RIT2: variants seen among roughly 807,000 people sequenced by gnomAD.
The protein encoded by RIT2 is GTP-binding protein Rit2.
In RIT2, 24 loss-of-function variants were observed where a neutral mutation model predicts 23.7. The ratio of observed to expected loss-of-function variants is 1.01; its 90% confidence interval spans 0.73 to 1.43. RIT2 has a LOEUF of 1.43. Ranked by LOEUF, RIT2 falls within the 40% of genes most tolerant of loss-of-function variation. The probability of loss-of-function intolerance (pLI) is 0.00; values close to 1 mark genes in which losing one functional copy is unlikely to be tolerated. For synonymous variants in RIT2, 107 were observed against 91.1 expected, an observed-to-expected ratio of 1.17 and a Z score of -0.99; for missense variants, 236 against 266.9, an observed-to-expected ratio of 0.88 and a Z score of 0.81.
intron 4 of RIT2, among the ~76,000 whole-genome samples, chr18:42,874,165 G>A (rs984020553): frequency 2.6e-5 from 4 of 152,080 alleles, no homozygotes; most frequent in African/African-American, 9.7e-5. Context: ...CTAAGCTTAC[G>A]TTAGAATATT....
At chr18:43,017,335 A>T (rs1911497961) in intron 2 of RIT2, among the ~76,000 whole-genome samples, 2 of 151,742 alleles carry the variant, frequency 1.3e-5, no homozygotes, top group South Asian at 4.2e-4. Context: ...CTAATTATTT[A>T]CATAATTGGC....
chr18:42,808,288 G>T (rs1905741342), intron 4 of RIT2, among the ~76,000 whole-genome samples: 1 of 152,164 alleles, frequency 6.6e-6, no homozygotes, highest in Non-Finnish European at 1.5e-5. Context: ...TCAGAGGTCT[G>T]CATTCTGCTA....
chr18:42,960,306 GTTTGTT>G (rs1024562865), intron 3 of RIT2, among the ~76,000 whole-genome samples: 10 of 152,080 alleles, frequency 6.6e-5, no homozygotes, highest in Non-Finnish European at 1.3e-4. Flanking sequence ...ATGTTTTTTT[GTTTGTT>G]TTTGTTTTTG....
intron 1 of RIT2, among the ~76,000 whole-genome samples, chr18:43,057,839 T>C (rs1912545581): frequency 1.4e-5 from 2 of 141,930 alleles, no homozygotes; most frequent in Admixed American, 7.3e-5. Flanking sequence ...GAACAAGATG[T>C]AGCAAATGGC....
intron 4 of RIT2, among the ~76,000 whole-genome samples, chr18:42,863,345 T>G (rs549143055): frequency 6.6e-6 from 1 of 152,252 alleles, no homozygotes; most frequent in African/African-American, 2.4e-5. Flanking sequence ...GAAAGGACAC[T>G]TTGAAAAAGC....
At chr18:42,801,096 A>T (rs1243577486) in intron 4 of RIT2, among the ~76,000 whole-genome samples, 3 of 152,244 alleles carry the variant, frequency 2.0e-5, no homozygotes, top group African/African-American at 7.2e-5. Context: ...ATAAAGCATC[A>T]TACAAATGTA....
intron 3 of RIT2, among the ~76,000 whole-genome samples, chr18:42,955,564 T>A (rs932642566): frequency 1.3e-5 from 2 of 152,176 alleles, no homozygotes; most frequent in African/African-American, 2.4e-5. Flanking sequence ...CCATGGGAAA[T>A]AGCAAGTCAA....
intron 4 of RIT2, among the ~76,000 whole-genome samples, chr18:42,896,324 C>T (rs533944236): frequency 2.2e-4 from 34 of 152,338 alleles, no homozygotes; most frequent in African/African-American, 7.7e-4. Flanking sequence ...ATGGATTCAA[C>T]GTCCACTTCA....
chr18:42,906,923 A>G (rs1340169928), intron 4 of RIT2, among the ~76,000 whole-genome samples: 3 of 152,124 alleles, frequency 2.0e-5, no homozygotes, highest in Non-Finnish European at 2.9e-5. Context: ...CCTATCATCA[A>G]CTTCAGAATC....
Position 42,868,947 on chromosome 18 carries a change from G to T in RIT2, c.426+54625C>A, listed in dbSNP as rs562096110. ...ACTGGGCTTGAATACCTTGAATTAA[G>T]GGGCTTTCACTTCTGTACTAGACAG... is the stretch of plus-strand genomic sequence containing the variant. On this transcript the variant is annotated intron_variant, in intron 4 of 4. Transcript: ENST00000326695. 2.0e-5 allele frequency among the ~76,000 whole-genome samples: 3 copies of T among 151,678 alleles called. No homozygotes were observed. In the East Asian group the frequency reaches 5.8e-4, roughly 29 times the overall value.
At chr18:42,944,071 A>C (rs1051385439) in intron 3 of RIT2, among the ~76,000 whole-genome samples, 1 of 152,092 alleles carries the variant, frequency 6.6e-6, no homozygotes, top group African/African-American at 2.4e-5. Context: ...AATGTAAGCC[A>C]CGTCACGTCC....
At chr18:43,044,652 G>A (rs980904834) in intron 1 of RIT2, among the ~76,000 whole-genome samples, 2 of 152,192 alleles carry the variant, frequency 1.3e-5, no homozygotes. Flanking sequence ...TTCTATAGGT[G>A]TGTGGTTATA....
chr18:42,843,994 T>C (rs752524260), intron 4 of RIT2, among the ~76,000 whole-genome samples: 41 of 152,184 alleles, frequency 2.7e-4, no homozygotes, highest in African/African-American at 9.6e-4. Context: ...TAGAGTCTAA[T>C]TGATAATTAA....
At chr18:42,948,663 C>T (rs936501144) in intron 3 of RIT2, among the ~76,000 whole-genome samples, 11 of 152,046 alleles carry the variant, frequency 7.2e-5, no homozygotes, top group African/African-American at 2.4e-4. Context: ...GTTAATACAT[C>T]CTTATCCTCT....
chr18:42,753,405 C>G (rs779167260), intron 4 of RIT2, among the ~76,000 whole-genome samples: 61 of 152,072 alleles, frequency 4.0e-4, no homozygotes, highest in Admixed American at 4.6e-4. Flanking sequence ...AATTGCTAAC[C>G]TTGAGTGAGG....
chr18:42,866,949 A>G (rs1429821722), intron 4 of RIT2, among the ~76,000 whole-genome samples: 2 of 152,158 alleles, frequency 1.3e-5, no homozygotes, highest in Non-Finnish European at 2.9e-5. Flanking sequence ...GGCACTTACT[A>G]ATTGAATCTC....
At chr18:42,788,722 T>G (rs1365795511) in intron 4 of RIT2, among the ~76,000 whole-genome samples, 1 of 152,200 alleles carries the variant, frequency 6.6e-6, no homozygotes, top group African/African-American at 2.4e-5. Flanking sequence ...TCATTTATTC[T>G]TCAAGTAACA....
At chr18:43,103,769 T>A (rs1452591841) in intron 1 of RIT2, among the ~76,000 whole-genome samples, 1 of 152,188 alleles carries the variant, frequency 6.6e-6, no homozygotes, top group Non-Finnish European at 1.5e-5. Context: ...TGGGTCTATT[T>A]CAATTCTAAA....
chr18:43,040,010 C>T (rs553129667), intron 1 of RIT2, among the ~76,000 whole-genome samples: 2 of 152,168 alleles, frequency 1.3e-5, no homozygotes, highest in South Asian at 2.1e-4. Context: ...TCTAAAAAGG[C>T]CGAGAGAAAA....
Sources: allele counts gnomAD v4.1 joint callset (sites outside exome capture counted in the v4.1 genomes callset), GRCh38; gene constraint gnomAD v4.1.1; transcripts MANE v1.5; gene names NCBI Gene and HGNC (gene_info 2026-07-23, HGNC 2026-07-21).